Variants in KIR3DL1 observed in about 807,000 individuals in gnomAD.
KIR3DL1 encodes killer cell immunoglobulin like receptor, three Ig domains and long cytoplasmic tail 1, also known as killer cell immunoglobulin-like receptor 3DL1.
KIR3DL1 carries 50 observed loss-of-function variants against 40.3 expected under a neutral mutation model. That is an observed-to-expected ratio of 1.24 (90% confidence interval 0.99 to 1.57). The LOEUF is 1.57. Among genes scored for constraint, KIR3DL1 ranks in the 40% most tolerant of loss-of-function variants. KIR3DL1 has a pLI of 0.00. For synonymous variants in KIR3DL1, 257 were observed against 207.2 expected, an observed-to-expected ratio of 1.24 and a Z score of -2.07; for missense variants, 661 against 559.9, an observed-to-expected ratio of 1.18 and a Z score of -1.82.
chr19:54,821,810 C>A (rs760367702), exon 5 of KIR3DL1: 1 of 1,605,274 alleles, frequency 6.2e-7, no homozygotes, highest in Non-Finnish European at 8.5e-7. Context: ...CCGTCACTCT[C>A]CCTACGAGTG....
intron 1 of KIR3DL1, 107 bp downstream of exon 1, chr19:54,816,641 A>ATGGGCCTGAAGTGGAGATC (rs1465903140): frequency 3.7e-6 from 5 of 1,339,440 alleles, no homozygotes; most frequent in Non-Finnish European, 4.1e-6. Flanking sequence ...AGGTGGAGTT[A>ATGGGCCTGAAGTGGAGATC]TGGGCCTGAA....
At chr19:54,821,459 A>C in intron 4 of KIR3DL1, 106 bp from the exon 5 acceptor site, 9 of 1,334,632 alleles carry the variant, frequency 6.7e-6, no homozygotes, top group African/African-American at 1.5e-5. Context: ...AGAGAGAGAG[A>C]GAGAGCATTA....
chr19:54,818,465 G>C, exon 3 of KIR3DL1: 2 of 1,608,790 alleles, frequency 1.2e-6, no homozygotes, highest in Non-Finnish European at 8.5e-7. Flanking sequence ...TTCCATGGCA[G>C]AATATTCCAG....
At chr19:54,830,744 G>C (rs2062192396) in exon 9 of KIR3DL1, 1 of 205,524 alleles carries the variant, frequency 4.9e-6, no homozygotes, top group Non-Finnish European at 9.5e-6. Context: ...TTTCAATGTA[G>C]CTGTCTCCTC....
At chr19:54,816,681 G>C (rs1447297603) in intron 1 of KIR3DL1, 147 bp downstream of exon 1, 2 of 1,348,780 alleles carry the variant, frequency 1.5e-6, no homozygotes, top group Admixed American at 2.0e-5. Context: ...GTGGAGATCT[G>C]GGCCTGGAGT....
At chr19:54,826,203 G>T (rs796909660) in intron 6 of KIR3DL1, among the ~76,000 whole-genome samples, 13 of 148,134 alleles carry the variant, frequency 8.8e-5, no homozygotes, top group South Asian at 6.6e-4. Flanking sequence ...CTCTGCTCTT[G>T]GGACACTGAT....
intron 2 of KIR3DL1, 58 bp from the exon 3 acceptor site, chr19:54,818,257 G>C: frequency 6.5e-7 from 1 of 1,549,860 alleles, no homozygotes; most frequent in Non-Finnish European, 8.8e-7. Flanking sequence ...TCTGGGCACT[G>C]GGAGTGAGGG....
intron 6 of KIR3DL1, among the ~76,000 whole-genome samples, chr19:54,825,873 C>A (rs2061860275): frequency 6.6e-6 from 1 of 151,034 alleles, no homozygotes; most frequent in Non-Finnish European, 1.5e-5. Context: ...GGTCACATCT[C>A]ACATGGCATC....
rs767415831 is a variant in KIR3DL1, at chr19:54,829,411, C to T, written c.1051C>T (p.Leu351Phe). The change falls in exon 7 of 9, where the codon CTC (leucine) becomes TTC (phenylalanine). Residue 351 changes from leucine (L) to phenylalanine (F), a missense_variant. Transcript: ENST00000391728. ...GATTGGGACCTCAGTGGTCATCATC[C>T]TCTTCATCCTCCTCCTCTTCTTTCT... 26 of 1,503,432 alleles carry T rather than the reference C, an allele frequency of 1.7e-5. 1 individual carries two copies. The highest frequency in any genetic ancestry group is 9.0e-7 in the Non-Finnish European group (1 of 1,105,700). The allele number at this position is 1,503,432 out of a possible 1,614,324, so 93.1% of individuals were successfully genotyped here.
At chr19:54,821,507 T>A in intron 4 of KIR3DL1, 58 bp from the exon 5 acceptor site, 1 of 1,545,964 alleles carries the variant, frequency 6.5e-7, no homozygotes, top group Non-Finnish European at 8.8e-7. Flanking sequence ...AGCTCAGGTA[T>A]GAGGGGAGCT....
chr19:54,821,870 C>T lies in KIR3DL1; in HGVS notation c.949+12C>T, dbSNP rs2061659327. On this transcript the variant is annotated intron_variant, in intron 5 of 8. Transcript: ENST00000391728. The stretch of plus-strand genomic sequence containing the variant: ...TGTTTCTGTCACAGGTGAGAAAAGC[C>T]CATATCTCTCTCATGTCCTATGATC... 17 of 1,596,548 alleles carry T rather than the reference C, an allele frequency of 1.1e-5. No homozygotes were observed. The highest frequency in any genetic ancestry group is 2.2e-5 in the East Asian group (1 of 44,474).
At chr19:54,824,956 A>T (rs2061807470) in intron 5 of KIR3DL1, 72 bp from the exon 6 acceptor site, 8 of 1,082,994 alleles carry the variant, frequency 7.4e-6, no homozygotes, top group South Asian at 6.4e-5. Flanking sequence ...CCATGAACCA[A>T]CCTCAAAGAT....
chr19:54,830,587 G>T (rs4806581), exon 9 of KIR3DL1: 17,279 of 392,506 alleles, frequency 0.044, 1,592 homozygotes, highest in East Asian at 0.12. Flanking sequence ...TCACACTGAG[G>T]AACTCACAAT....
chr19:54,829,940 T>C (rs1387705349), exon 8 of KIR3DL1: 1 of 1,525,790 alleles, frequency 6.6e-7, no homozygotes, highest in African/African-American at 1.4e-5. Flanking sequence ...GCTGCTGTAA[T>C]GGACCAAGAG....
rs1428812578 is a variant in KIR3DL1 at position 54,819,904 on chromosome 19, G to A, written c.547G>A (p.Gly183Ser). The change falls in exon 4 of 9, where the codon GGT becomes AGT. Residue 183 changes from glycine to serine, a missense_variant. By Grantham distance (56) the Gly-to-Ser change is moderately conservative (BLOSUM62 0). Coordinates refer to ENST00000391728, the Ensembl canonical transcript of KIR3DL1. ...GGTCTCCAAGGCCAATTTCTCCATC[G>A]GTCCCATGATGCTTGCCCTTGCAGG... The A allele has an allele frequency of 6.8e-6, 11 of 1,612,086 alleles. No homozygotes were observed. Among genetic ancestry groups the A allele is most frequent in the East Asian group, 4.5e-5 (2 of 44,818 alleles).
intron 6 of KIR3DL1, among the ~76,000 whole-genome samples, chr19:54,828,216 T>C (rs1307895439): frequency 6.6e-6 from 1 of 151,020 alleles, no homozygotes; most frequent in Non-Finnish European, 1.5e-5. Context: ...CTACTTCGCT[T>C]TTTTTATATT....
At position 54,823,184 on chromosome 19, in the gene KIR3DL1, G is replaced by A. The variant is rs1254681125; in HGVS notation, c.949+1326G>A. Among the ~76,000 whole-genome samples the A allele has an allele frequency of 2.6e-4, 39 of 150,988 alleles. 1 individual carries two copies. Among genetic ancestry groups the A allele is most frequent in the African/African-American group, 9.3e-4 (38 of 40,786 alleles). On this transcript the variant is annotated intron_variant, in intron 5 of 8. Coordinates refer to ENST00000391728, the Ensembl canonical transcript of KIR3DL1. ...CTAGTAGCTGTGATTACAGGTGCAC[G>A]CCACCATGCCTGGCTAATTTTTGTA...
intron 3 of KIR3DL1, among the ~76,000 whole-genome samples, chr19:54,819,067 A>G (rs62124099): frequency 0.19 from 28,209 of 150,928 alleles, 3,112 homozygotes; most frequent in South Asian, 0.32. Context: ...GGAGAAGTCA[A>G]GAGAACTGAT....
chr19:54,830,195 A>G (rs1457967479), exon 9 of KIR3DL1: 1 of 1,524,680 alleles, frequency 6.6e-7, no homozygotes, highest in Admixed American at 1.8e-5. Context: ...TCAGAGGCCC[A>G]AGACACCCCC....
Sources: gnomAD v4.1 joint callset for allele counts (sites outside exome capture counted in the v4.1 genomes callset) on GRCh38, gnomAD v4.1.1 for gene constraint, MANE v1.5 for transcripts, NCBI Gene and HGNC (gene_info 2026-07-23, HGNC 2026-07-21) for gene names.